The following NCOR2 variants were observed in gnomAD, a reference collection of about 807,000 sequenced individuals.
The protein encoded by NCOR2 is nuclear receptor corepressor 2.
In NCOR2, 81 loss-of-function variants were observed where a neutral mutation model predicts 262.9. The observed-to-expected ratio is 0.31, with a 90% confidence interval of 0.26 to 0.37. The LOEUF (loss-of-function observed/expected upper bound fraction) is 0.37. Ranked by LOEUF, NCOR2 falls within the 10% of genes least tolerant of loss-of-function variation. NCOR2 has a pLI of 1.00. For missense variants in NCOR2, 3,385 were observed against 3,621.4 expected, an observed-to-expected ratio of 0.93 and a Z score of 1.68; for synonymous variants, 1,659 against 1,559.3, an observed-to-expected ratio of 1.06 and a Z score of -1.51.
chr12:124,433,929 C>A (rs867762671), intron 8 of NCOR2, among the ~76,000 whole-genome samples: 1 of 133,698 alleles, frequency 7.5e-6, no homozygotes, highest in African/African-American at 2.7e-5. Flanking sequence ...AAGACTGGAG[C>A]CGTCCCCCTC....
intron 1 of NCOR2, among the ~76,000 whole-genome samples, chr12:124,527,661 G>A (rs371351440): frequency 2.0e-5 from 3 of 152,084 alleles, no homozygotes; most frequent in Non-Finnish European, 4.4e-5. Flanking sequence ...CAGATGATCC[G>A]CCTGCCTCGG....
chr12:124,406,436 A>T (rs1467347260), intron 13 of NCOR2, among the ~76,000 whole-genome samples: 6 of 152,154 alleles, frequency 3.9e-5, no homozygotes, highest in Admixed American at 3.3e-4. Context: ...CTCAGATCCC[A>T]CTGAGGAGTG....
chr12:124,333,901 C>T (rs145677085), intron 41 of NCOR2, among the ~76,000 whole-genome samples: 3,449 of 140,444 alleles, frequency 0.025, 131 homozygotes, highest in African/African-American at 0.051. Context: ...TGTGTGCGCG[C>T]GCATGTGTGC....
chr12:124,553,488 A>AT (rs2137267022), intron 1 of NCOR2, among the ~76,000 whole-genome samples: 1 of 152,322 alleles, frequency 6.6e-6, no homozygotes, highest in East Asian at 1.9e-4. Flanking sequence ...CCAACAGGCG[A>AT]TTCCCCAGGG....
At chr12:124,326,071 G>C (rs1166116102) in intron 46 of NCOR2, 120 bp downstream of exon 48, 2 of 1,176,154 alleles carry the variant, frequency 1.7e-6, no homozygotes, top group African/African-American at 1.6e-5. Flanking sequence ...CGTTTCCACA[G>C]AACAGGCCCG....
intron 1 of NCOR2, among the ~76,000 whole-genome samples, chr12:124,557,455 C>A (rs1457176985): frequency 2.0e-5 from 3 of 152,226 alleles, no homozygotes; most frequent in African/African-American, 4.8e-5. Flanking sequence ...TATCGCACGG[C>A]CTTCTCCTCT....
chr12:124,367,517 C>G (rs1379280451), intron 20 of NCOR2, among the ~76,000 whole-genome samples: 1 of 152,196 alleles, frequency 6.6e-6, no homozygotes, highest in Non-Finnish European at 1.5e-5. Context: ...GCTCAGAGCT[C>G]AGGGCCCATC....
chr12:124,554,740 G>A lies in NCOR2; in HGVS notation c.-165+12568C>T, dbSNP rs188685490. On this transcript the variant is annotated intron_variant, in intron 1 of 32. Coordinates refer to the NCOR2 transcript ENST00000458234. ...CCGCACAGTTCCGGGAGGTGCCGCT[G>A]CGGCAAGGGGGCAGCGCCCAGGGCC... is the stretch of plus-strand genomic sequence containing the variant. 4.7e-3 allele frequency among the ~76,000 whole-genome samples: 719 copies of A among 152,382 alleles called. 4 individuals carry two copies. The highest frequency in any genetic ancestry group is 0.017 in the African/African-American group (690 of 41,592).
intron 17 of NCOR2, among the ~76,000 whole-genome samples, chr12:124,379,711 G>A (rs111931328): frequency 9.2e-5 from 14 of 152,336 alleles, no homozygotes; most frequent in African/African-American, 3.1e-4. Context: ...ACATCAACCC[G>A]GAACCTCAGA....
intron 45 of NCOR2, among the ~76,000 whole-genome samples, chr12:124,326,826 T>C (rs942734750): frequency 6.6e-6 from 1 of 151,758 alleles, no homozygotes; most frequent in Non-Finnish European, 1.5e-5. Context: ...GGGGCCTCAG[T>C]GTCCAGGTTG....
chr12:124,359,457 T>C (rs536339669), intron 22 of NCOR2, among the ~76,000 whole-genome samples: 2 of 152,356 alleles, frequency 1.3e-5, no homozygotes, highest in South Asian at 2.1e-4. Flanking sequence ...TTGAAGACTG[T>C]TTCCCCTGGA....
At chr12:124,349,559 CCA>C (rs2037255442) in intron 28 of NCOR2, among the ~76,000 whole-genome samples, 1 of 152,166 alleles carries the variant, frequency 6.6e-6, no homozygotes, top group South Asian at 2.1e-4. Context: ...TGAGCAGGCA[CCA>C]CAGTCCTCCC....
At chr12:124,355,068 C>A in intron 24 of NCOR2, 129 bp from the exon 27 acceptor site, 1 of 772,108 alleles carries the variant, frequency 1.3e-6, no homozygotes, top group Non-Finnish European at 2.1e-6. Context: ...AGCTGTGTGA[C>A]GGCAGACAAG....
At chr12:124,375,723 A>T (rs1394034186) in intron 18 of NCOR2, among the ~76,000 whole-genome samples, 1 of 152,240 alleles carries the variant, frequency 6.6e-6, no homozygotes, top group Non-Finnish European at 1.5e-5. Flanking sequence ...GCTATGCCTC[A>T]GTCTCCCCAT....
chr12:124,334,232 C>T (rs979307299), intron 41 of NCOR2, 192 bp downstream of exon 43: 6 of 516,370 alleles, frequency 1.2e-5, no homozygotes, highest in African/African-American at 1.0e-4. Flanking sequence ...ACAGCATGTA[C>T]TTTCATCAGC....
At chr12:124,421,927 A>C (rs1403954557) in intron 12 of NCOR2, among the ~76,000 whole-genome samples, 1 of 152,214 alleles carries the variant, frequency 6.6e-6, no homozygotes, top group East Asian at 1.9e-4. Context: ...GGCTTGACAC[A>C]AAGTGGGCTT....
At chr12:124,342,034 G>A (rs1490203782) in exon 34 of NCOR2, 1 of 1,612,522 alleles carries the variant, frequency 6.2e-7, no homozygotes, top group Admixed American at 1.7e-5. Context: ...GCGGGTAGGT[G>A]GGGTTGGGGG....
chr12:124,421,761 G>A (rs893887631), intron 12 of NCOR2, among the ~76,000 whole-genome samples: 5 of 152,216 alleles, frequency 3.3e-5, no homozygotes, highest in Non-Finnish European at 7.3e-5. Flanking sequence ...GAAGGCCCAG[G>A]GGCCACGTCC....
intron 20 of NCOR2, among the ~76,000 whole-genome samples, chr12:124,366,244 G>A (rs1297730148): frequency 6.6e-6 from 1 of 152,132 alleles, no homozygotes; most frequent in Non-Finnish European, 1.5e-5. Context: ...CCGCACGATG[G>A]AACACATGGC....
Sources: allele counts gnomAD v4.1 joint callset (sites outside exome capture counted in the v4.1 genomes callset), GRCh38; gene constraint gnomAD v4.1.1; transcripts MANE v1.5; gene names NCBI Gene and HGNC (gene_info 2026-07-23, HGNC 2026-07-21).